DPP10: variants seen among roughly 807,000 people sequenced by gnomAD.
DPP10 encodes the protein inactive dipeptidyl peptidase 10.
In DPP10, 33 loss-of-function variants were observed where a neutral mutation model predicts 120.9. The observed-to-expected ratio is 0.27, with a 90% CI of 0.21 to 0.37. The LOEUF is 0.37. DPP10 is among the 10% of genes least tolerant of loss of function. The probability of loss-of-function intolerance (pLI) is 1.00; values close to 1 mark genes in which losing one functional copy is unlikely to be tolerated. For synonymous variants in DPP10, 337 were observed against 326.1 expected, an observed-to-expected ratio of 1.03 and a Z score of -0.36; for missense variants, 816 against 942.8, an observed-to-expected ratio of 0.87 and a Z score of 1.76.
At chr2:115,253,028 G>A (rs1246200766) in intron 1 of DPP10, among the ~76,000 whole-genome samples, 2 of 152,198 alleles carry the variant, frequency 1.3e-5, no homozygotes, top group African/African-American at 2.4e-5. Flanking sequence ...AAGAAAAGAG[G>A]TTTAACTGGC....
chr2:114,495,825 C>T (rs1682464915), intron 1 of DPP10, among the ~76,000 whole-genome samples: 1 of 152,166 alleles, frequency 6.6e-6, no homozygotes, highest in Admixed American at 6.6e-5. Context: ...TAGATAGAGA[C>T]ATCCTTCTGG....
At chr2:115,325,464 T>G (rs1315676610) in intron 2 of DPP10, among the ~76,000 whole-genome samples, 2 of 152,128 alleles carry the variant, frequency 1.3e-5, no homozygotes, top group Non-Finnish European at 2.9e-5. Context: ...CCCTGGCAGT[T>G]TGAAATGTGG....
In DPP10 at chr2:114,851,285, A is replaced by G. The variant is rs1688928301; in HGVS notation, c.60+408447A>G. ...AGGGTTTAACGATTTCCTTATAGAT[A>G]TTGTTATATGGGAGTTTATGTGTGT... On this transcript the variant is annotated intron_variant, in intron 1 of 25. Coordinates refer to ENST00000410059, the MANE Select transcript of DPP10 (RefSeq NM_020868.6). Among the ~76,000 whole-genome samples, 3 of 152,174 alleles carry G rather than the reference A, an allele frequency of 2.0e-5. No homozygotes were observed. The South Asian group carries it at 6.2e-4, about 31-fold the overall frequency.
At chr2:115,176,340 T>C (rs1226483140) in intron 1 of DPP10, among the ~76,000 whole-genome samples, 1 of 148,074 alleles carries the variant, frequency 6.8e-6, no homozygotes, top group African/African-American at 2.4e-5. Flanking sequence ...ATATTTATAA[T>C]ATTTATATAT....
intron 22 of DPP10, 83 bp from the exon 23 acceptor site, chr2:115,836,424 A>T: frequency 6.6e-7 from 1 of 1,525,508 alleles, no homozygotes; most frequent in South Asian, 1.2e-5. Flanking sequence ...ATGACAATTA[A>T]ATGTAAAATG....
chr2:114,917,177 G>A (rs182778376), intron 1 of DPP10, among the ~76,000 whole-genome samples: 31 of 152,156 alleles, frequency 2.0e-4, no homozygotes, highest in African/African-American at 7.2e-4. Context: ...CACCAATAAT[G>A]TCCAAGCTGA....
intron 3 of DPP10, among the ~76,000 whole-genome samples, chr2:115,485,684 G>A (rs572996495): frequency 6.6e-6 from 1 of 152,120 alleles, no homozygotes; most frequent in Admixed American, 6.6e-5. Context: ...GTAAAGTTAT[G>A]TCATTATGCA....
intron 5 of DPP10, among the ~76,000 whole-genome samples, chr2:115,545,871 C>G (rs2079467603): frequency 6.6e-6 from 1 of 152,092 alleles, no homozygotes; most frequent in African/African-American, 2.4e-5. Context: ...GCTACAGAGT[C>G]TCTTGTGCAC....
At chr2:115,612,180 T>C (rs1389192932) in intron 5 of DPP10, among the ~76,000 whole-genome samples, 1 of 152,184 alleles carries the variant, frequency 6.6e-6, no homozygotes, top group Non-Finnish European at 1.5e-5. Context: ...CTTCTAACTA[T>C]GTACTTGACT....
intron 4 of DPP10, among the ~76,000 whole-genome samples, chr2:115,511,851 C>A (rs2077248839): frequency 6.6e-6 from 1 of 151,250 alleles, no homozygotes; most frequent in Admixed American, 6.6e-5. Flanking sequence ...CCTCAGCCTC[C>A]TGAGTATCTG....
intron 3 of DPP10, among the ~76,000 whole-genome samples, chr2:115,488,736 C>T (rs1402608521): frequency 1.3e-4 from 15 of 119,996 alleles, no homozygotes; most frequent in South Asian, 6.5e-4. Context: ...GTGGTGGGGT[C>T]GGGGGAGGGG....
intron 1 of DPP10, among the ~76,000 whole-genome samples, chr2:114,844,428 A>G (rs757925031): frequency 1.3e-4 from 20 of 151,520 alleles, no homozygotes; most frequent in Non-Finnish European, 2.6e-4. Flanking sequence ...AACTTAATCT[A>G]GTATGGAGGT....
At chr2:114,951,916 T>C (rs1389803291) in intron 1 of DPP10, among the ~76,000 whole-genome samples, 2 of 152,000 alleles carry the variant, frequency 1.3e-5, no homozygotes, top group African/African-American at 4.8e-5. Context: ...GTTTAATATA[T>C]CTTGTGAATA....
chr2:115,584,276 T>C (rs2082161826), intron 5 of DPP10, among the ~76,000 whole-genome samples: 1 of 152,224 alleles, frequency 6.6e-6, no homozygotes, highest in African/African-American at 2.4e-5. Context: ...GAGATACTTC[T>C]GAAAATAAAA....
chr2:115,333,510 TC>T (rs1180431565), intron 2 of DPP10, among the ~76,000 whole-genome samples: 1 of 152,180 alleles, frequency 6.6e-6, no homozygotes, highest in African/African-American at 2.4e-5. Context: ...TGCAGTGTCT[TC>T]CTAGCATCAA....
intron 19 of DPP10, among the ~76,000 whole-genome samples, chr2:115,791,919 T>C (rs775200719): frequency 1.6e-4 from 25 of 152,208 alleles, no homozygotes; most frequent in Non-Finnish European, 3.5e-4. Context: ...TAACTTGATA[T>C]TGATTTAGCA....
intron 5 of DPP10, among the ~76,000 whole-genome samples, chr2:115,548,394 AAAATACATGCATGGAGGAGGTG>A (rs149939557): frequency 0.036 from 5,547 of 152,224 alleles, 260 homozygotes; most frequent in East Asian, 0.24. Flanking sequence ...CATTATGCTA[AAAATACATGCATGGAGGAGGTG>A]ATAGTATTAA....
rs2083544732 is a variant in DPP10 at position 115,604,127 on chromosome 2, A to T, written c.441+78155A>T. Reference sequence around the variant, plus strand: ...TTTTTAAGATGGTAGCTTTTGAGACAGTGCTATCTTTCAGGATATTCAGAT... The same window carrying T: ...TTTTTAAGATGGTAGCTTTTGAGACTGTGCTATCTTTCAGGATATTCAGAT... On this transcript the variant is annotated intron_variant, in intron 5 of 25. Coordinates refer to ENST00000410059, the MANE Select transcript of DPP10 (RefSeq NM_020868.6). 2.0e-5 allele frequency among the ~76,000 whole-genome samples: 3 copies of T among 150,804 alleles called. 1 individual carries two copies. The highest frequency in any genetic ancestry group is 4.9e-5 in the African/African-American group (2 of 40,872).
chr2:115,713,556 G>A (rs889426732), intron 7 of DPP10, among the ~76,000 whole-genome samples: 2 of 152,096 alleles, frequency 1.3e-5, no homozygotes, highest in African/African-American at 2.4e-5. Context: ...CTAGTGTCAG[G>A]GAGACTTAGT....
Sources: allele counts gnomAD v4.1 joint callset (sites outside exome capture counted in the v4.1 genomes callset), GRCh38; gene constraint gnomAD v4.1.1; transcripts MANE v1.5; gene names NCBI Gene and HGNC (gene_info 2026-07-23, HGNC 2026-07-21).